Variants in SYNDIG1 observed in about 807,000 individuals in gnomAD.
The protein encoded by SYNDIG1 is synapse differentiation inducing 1, also known as synapse differentiation-inducing gene protein 1.
SYNDIG1 carries 9 observed loss-of-function variants against 19.4 expected under a neutral mutation model. That is an observed-to-expected ratio of 0.46 (90% CI 0.28 to 0.81). The LOEUF (loss-of-function observed/expected upper bound fraction) is 0.81, where lower values mean the gene tolerates loss of function less well. Ranked by LOEUF, SYNDIG1 falls within the 30% of genes least tolerant of loss-of-function variation. SYNDIG1 has a pLI of 0.12. For missense variants in SYNDIG1, 311 were observed against 343.3 expected (o/e 0.91, Z 0.74); for synonymous variants, 141 against 145.9 (o/e 0.97, Z 0.24).
chr20:24,582,253 C>G (rs1343504522), intron 2 of SYNDIG1, among the ~76,000 whole-genome samples: 1 of 127,816 alleles, frequency 7.8e-6, no homozygotes, highest in Non-Finnish European at 1.7e-5. Context: ...ATCCTTCCCC[C>G]CTTCACATAC....
At chr20:24,663,348 G>A (rs1162779110) in intron 3 of SYNDIG1, among the ~76,000 whole-genome samples, 1 of 152,162 alleles carries the variant, frequency 6.6e-6, no homozygotes, top group Non-Finnish European at 1.5e-5. Flanking sequence ...TGAGAATAAA[G>A]AGCAAATGTG....
intron 3 of SYNDIG1, among the ~76,000 whole-genome samples, chr20:24,617,563 C>T (rs2058957428): frequency 6.6e-6 from 1 of 152,190 alleles, no homozygotes; most frequent in African/African-American, 2.4e-5. Context: ...CCTCCTTCTG[C>T]GAAGGGGCCC....
intron 3 of SYNDIG1, among the ~76,000 whole-genome samples, chr20:24,626,021 G>A (rs2147260104): frequency 6.7e-6 from 1 of 150,290 alleles, no homozygotes; most frequent in Admixed American, 6.6e-5. Context: ...TCCCGGACGG[G>A]GTGGCTGGCC....
At chr20:24,499,373 A>G (rs1263836199) in intron 1 of SYNDIG1, among the ~76,000 whole-genome samples, 1 of 152,230 alleles carries the variant, frequency 6.6e-6, no homozygotes, top group Non-Finnish European at 1.5e-5. Context: ...ACAAGTGGTC[A>G]GAGGAGGAAT....
intron 2 of SYNDIG1, among the ~76,000 whole-genome samples, chr20:24,580,290 C>T (rs1394134600): frequency 6.6e-6 from 1 of 152,180 alleles, no homozygotes; most frequent in Non-Finnish European, 1.5e-5. Flanking sequence ...TCTCCTTCCT[C>T]GCGAGTGGCA....
intron 2 of SYNDIG1, 38 bp from the exon 3 acceptor site, chr20:24,584,818 C>A: frequency 1.9e-6 from 3 of 1,613,716 alleles, no homozygotes; most frequent in Non-Finnish European, 1.7e-6. Flanking sequence ...CTTTATTAAT[C>A]TTCTCTCCTG....
chr20:24,488,237 G>A (rs1298214600), intron 1 of SYNDIG1, among the ~76,000 whole-genome samples: 1 of 152,208 alleles, frequency 6.6e-6, no homozygotes, highest in Non-Finnish European at 1.5e-5. Flanking sequence ...GAGAGGAAGT[G>A]TGGGAAATAA....
At chr20:24,663,899 C>T (rs145186299) in intron 3 of SYNDIG1, among the ~76,000 whole-genome samples, 26 of 152,160 alleles carry the variant, frequency 1.7e-4, no homozygotes, top group Admixed American at 3.3e-4. Context: ...AAATTGTGTT[C>T]GAAGATGTGG....
At chr20:24,663,403 G>A (rs747119915) in intron 3 of SYNDIG1, among the ~76,000 whole-genome samples, 24 of 152,320 alleles carry the variant, frequency 1.6e-4, no homozygotes, top group Non-Finnish European at 2.5e-4. Flanking sequence ...GCTCTGGTGC[G>A]TCTATATGCA....
At chr20:24,514,090 C>T (rs2056810037) in intron 1 of SYNDIG1, among the ~76,000 whole-genome samples, 1 of 152,078 alleles carries the variant, frequency 6.6e-6, no homozygotes, top group South Asian at 2.1e-4. Context: ...ATTTTGTCAC[C>T]ACCAGGCCTG....
At chr20:24,662,746 A>G (rs991488039) in intron 3 of SYNDIG1, among the ~76,000 whole-genome samples, 1 of 152,236 alleles carries the variant, frequency 6.6e-6, no homozygotes, top group African/African-American at 2.4e-5. Context: ...TTATTTTCCA[A>G]TGAAAGGCCA....
intron 2 of SYNDIG1, among the ~76,000 whole-genome samples, chr20:24,569,347 G>A (rs115956600): frequency 0.012 from 1,825 of 152,264 alleles, 35 homozygotes; most frequent in African/African-American, 0.042. Flanking sequence ...ATGAATCTGA[G>A]GTTCCAGCTG....
At chr20:24,510,588 AAAG>A (rs1229549239) in intron 1 of SYNDIG1, among the ~76,000 whole-genome samples, 1 of 151,856 alleles carries the variant, frequency 6.6e-6, no homozygotes, top group Admixed American at 6.6e-5. Flanking sequence ...AAAAAAAAGA[AAAG>A]AAATATTTTT....
At chr20:24,580,281 C>T (rs2058300136) in intron 2 of SYNDIG1, among the ~76,000 whole-genome samples, 1 of 152,224 alleles carries the variant, frequency 6.6e-6, no homozygotes. Flanking sequence ...CTCGTCTCCT[C>T]TCCTTCCTCG....
intron 1 of SYNDIG1, among the ~76,000 whole-genome samples, chr20:24,485,037 G>A (rs1436163709): frequency 1.3e-5 from 2 of 152,112 alleles, no homozygotes; most frequent in Non-Finnish European, 2.9e-5. Context: ...CTTCTGTTTG[G>A]TCTCTTTCCC....
Position 24,509,863 on chromosome 20 carries a change from G to C in SYNDIG1, c.-78-33157G>C, listed in dbSNP as rs138903280. Among the ~76,000 whole-genome samples the C allele has an allele frequency of 5.4e-3, 819 of 152,322 alleles. 11 individuals carry two copies. The highest frequency in any genetic ancestry group is 0.019 in the African/African-American group (771 of 41,554). ...AATGTAATCCCCAATGTTGGAGGTA[G>C]GGCCTTGTGGGAGGTGATTGGATTA... On this transcript the variant is annotated intron_variant, in intron 1 of 3. Coordinates refer to ENST00000376862, the MANE Select transcript of SYNDIG1 (RefSeq NM_024893.3).
At chr20:24,547,414 G>A (rs1424621346) in intron 2 of SYNDIG1, among the ~76,000 whole-genome samples, 2 of 152,218 alleles carry the variant, frequency 1.3e-5, no homozygotes, top group Non-Finnish European at 2.9e-5. Context: ...TTTATGGGAG[G>A]TTCTCAACTA....
chr20:24,649,498 A>T (rs984151804), intron 3 of SYNDIG1, among the ~76,000 whole-genome samples: 2 of 152,306 alleles, frequency 1.3e-5, no homozygotes, highest in East Asian at 3.9e-4. Context: ...GCCCATACCT[A>T]TAGTTAGCCT....
intron 3 of SYNDIG1, among the ~76,000 whole-genome samples, chr20:24,622,901 C>G (rs1210970394): frequency 6.6e-6 from 1 of 152,080 alleles, no homozygotes; most frequent in Non-Finnish European, 1.5e-5. Context: ...AAACCAACAA[C>G]AACCAAAAGT....
Sources: allele counts gnomAD v4.1 joint callset (sites outside exome capture counted in the v4.1 genomes callset), GRCh38; gene constraint gnomAD v4.1.1; transcripts MANE v1.5; gene names NCBI Gene and HGNC (gene_info 2026-07-23, HGNC 2026-07-21).